LY75: variants seen among roughly 807,000 people sequenced by gnomAD.
LY75 encodes C-type lectin domain family 13 member B.
A neutral mutation model predicts 231.7 loss-of-function variants in LY75; 185 were observed. The ratio of observed to expected loss-of-function variants is 0.80; its 90% CI spans 0.71 to 0.90. The LOEUF (loss-of-function observed/expected upper bound fraction) is 0.90, where lower values mean the gene tolerates loss of function less well. Ranked by LOEUF, LY75 falls within the 40% of genes least tolerant of loss-of-function variation. The pLI is 0.00. For missense variants in LY75, 1,947 were observed against 2,050.2 expected (o/e 0.95, Z 0.97); for synonymous variants, 668 against 689.0 (o/e 0.97, Z 0.48).
intron 33 of LY75, 74 bp downstream of exon 33, chr2:159,808,375 T>C: frequency 6.8e-6 from 11 of 1,608,762 alleles, no homozygotes; most frequent in Non-Finnish European, 8.5e-6. Context: ...TAACATTCTT[T>C]AGCAAGGACG....
chr2:159,882,804 G>A (rs762522382), intron 6 of LY75, among the ~76,000 whole-genome samples: 7 of 152,138 alleles, frequency 4.6e-5, no homozygotes, highest in Non-Finnish European at 8.8e-5. Context: ...GACAGGCAGA[G>A]ATTTAAGGGA....
rs761049709 is a variant in LY75 at position 159,881,118 on chromosome 2, T to G, written c.1369A>C (p.Asn457His). 1 of 1,613,798 alleles carries G rather than the reference T, an allele frequency of 6.2e-7. No individual in the cohort carries two copies. The highest frequency in any genetic ancestry group is 8.5e-7 in the Non-Finnish European group (1 of 1,179,884). The change falls in exon 8 of 35, where the codon AAT becomes CAT. Residue 457 changes from asparagine to histidine, a missense_variant. Physicochemically the swap from Asn to His is moderately conservative, Grantham distance 68 (BLOSUM62 1). Transcript: ENST00000263636. ...TAGGAAACACAGTTGGGCGTCTTATTGTAGGGAACATTTGGCTCATTCTCA... is the reference window on the plus strand; with the variant it reads ...TAGGAAACACAGTTGGGCGTCTTATGGTAGGGAACATTTGGCTCATTCTCA... Reference protein sequence around the residue: ...WDENEPNVPYNKTPNCVSYLG... With the variant: ...WDENEPNVPYHKTPNCVSYLG...
In LY75 at chr2:159,810,613, G is replaced by A. The variant is rs115523735; in HGVS notation, c.4612C>T (p.Arg1538Trp). ...CAGTGACCCTTGTACTGGATCCACC[G>A]TGACCCATTCTCTTTTGCTGCTGGA... ...RCPAAKENGS[R>W]WIQYKGHCYK... The change falls in exon 32 of 35, where the codon CGG becomes TGG. Residue 1538 changes from arginine (R) to tryptophan (W), a missense_variant. Transcript: ENST00000263636. 1.8e-4 allele frequency: 294 copies of A among 1,613,996 alleles called. No homozygotes were observed. The African/African-American group carries it at 2.8e-3, about 16-fold the overall frequency.
intron 31 of LY75, among the ~76,000 whole-genome samples, chr2:159,811,634 T>C (rs970327970): frequency 3.3e-5 from 5 of 152,172 alleles, no homozygotes; most frequent in African/African-American, 1.2e-4. Context: ...TCTCCAAATC[T>C]CCACTTGGCA....
intron 28 of LY75, among the ~76,000 whole-genome samples, chr2:159,830,005 C>T (rs991619671): frequency 3.9e-5 from 6 of 152,196 alleles, no homozygotes; most frequent in African/African-American, 1.4e-4. Context: ...TCAGGTGAAG[C>T]CTCAGAATTT....
rs1286147527 is a variant in LY75, at chr2:159,852,207, C to G, written c.2877G>C (p.Gln959His). ...VQCSEQWIPF[Q>H]NKCFLKIKPV... ...GTAGCAATTCTCTTTTTACCTTATT[C>G]TGAAAAGGAATCCATTGCTCAGAAC... Residue 959 changes from glutamine to histidine, a missense_variant, in exon 21 of 35, where the codon CAG (glutamine) becomes CAC (histidine). Gln to His is a conservative substitution (Grantham distance 24, BLOSUM62 0). Coordinates refer to ENST00000263636, the MANE Select transcript of LY75 (RefSeq NM_002349.4). The G allele has an allele frequency of 2.5e-6, 4 of 1,613,260 alleles. No individual in the cohort carries two copies. The Admixed American group carries it at 6.7e-5, about 27-fold the overall frequency.
At chr2:159,818,485 CAA>C (rs1683189628) in intron 29 of LY75, among the ~76,000 whole-genome samples, 2 of 152,002 alleles carry the variant, frequency 1.3e-5, no homozygotes, top group African/African-American at 4.8e-5. Context: ...TCAAGGCCAG[CAA>C]AAATAAGAAA....
At chr2:159,826,450 T>C (rs1370279589) in intron 28 of LY75, among the ~76,000 whole-genome samples, 2 of 151,934 alleles carry the variant, frequency 1.3e-5, no homozygotes, top group African/African-American at 4.8e-5. Flanking sequence ...CTCAAGGAAA[T>C]AAAAGAGGAC....
chr2:159,898,783 G>T lies in LY75; in HGVS notation c.371C>A (p.Ala124Asp). Reference protein sequence around the residue: ...SLYGAARYRLALKDGHGTAIS... With the variant: ...SLYGAARYRLDLKDGHGTAIS... The stretch of plus-strand genomic sequence containing the variant: ...TGCTGTGCCATGTCCATCCTTCAGA[G>T]CCAGCCGGTACCGGGCAGCTCCGTA... The change falls in exon 2 of 35, where the codon GCT becomes GAT. Residue 124 changes from alanine (A) to aspartate (D), a missense_variant. Physicochemically the swap from Ala to Asp is moderately radical, Grantham distance 126 (BLOSUM62 -2). Transcript: ENST00000263636. 6.2e-7 allele frequency: 1 copy of T among 1,614,184 alleles called. No homozygotes were observed. The highest frequency in any genetic ancestry group is 2.2e-5 in the East Asian group (1 of 44,886).
intron 28 of LY75, 144 bp from the exon 29 acceptor site, chr2:159,820,064 T>C (rs926903245): frequency 4.6e-6 from 3 of 656,558 alleles, no homozygotes; most frequent in African/African-American, 3.8e-5. Flanking sequence ...CCCTTTAAGA[T>C]ATTTTCTGAT....
At chr2:159,890,760 A>G (rs555216029) in intron 3 of LY75, among the ~76,000 whole-genome samples, 3 of 152,288 alleles carry the variant, frequency 2.0e-5, no homozygotes, top group South Asian at 4.1e-4. Context: ...GGGTTTGCCC[A>G]CAGCCTGCAT....
chr2:159,859,155 C>G (rs1218454245), intron 15 of LY75, among the ~76,000 whole-genome samples: 1 of 152,210 alleles, frequency 6.6e-6, no homozygotes. Flanking sequence ...CCCTAGAACA[C>G]AGTTTATTGT....
At position 159,829,891 on chromosome 2, in the gene LY75, T is replaced by A. The variant is rs1405105175; in HGVS notation, c.3958+1779A>T. Among the ~76,000 whole-genome samples the A allele has an allele frequency of 3.3e-5, 5 of 152,236 alleles. No individual in the cohort carries two copies. In the South Asian group the frequency reaches 6.2e-4, roughly 19 times the overall value. On this transcript the variant is annotated intron_variant, in intron 28 of 34. Transcript: ENST00000263636. ...TTTATAATAGATTTTCAGTTGCTTC[T>A]GATAATATAACTACAAAGTATACCA...
chr2:159,864,329 G>T (rs1218398003), intron 14 of LY75, among the ~76,000 whole-genome samples: 2 of 152,174 alleles, frequency 1.3e-5, no homozygotes, highest in African/African-American at 4.8e-5. Flanking sequence ...CAATGTCATG[G>T]AGCTTTCCCC....
chr2:159,858,389 G>A lies in LY75; in HGVS notation c.2356C>T (p.Leu786Phe), dbSNP rs1684604863. Residue 786 changes from leucine (L) to phenylalanine (F), a missense_variant, in exon 16 of 35, where the codon CTT (leucine) becomes TTT (phenylalanine). Physicochemically the swap from Leu to Phe is conservative, Grantham distance 22. Transcript: ENST00000263636. ...YLRPFACDTK[L>F]EWVCQIPKGR... ...TTTGGAATTTGGCACACCCATTCAA[G>A]TTTTGTATCACAAGCAAAAGGCCTC... 1 of 1,613,388 alleles carries A rather than the reference G, an allele frequency of 6.2e-7. No homozygotes were observed. The highest frequency in any genetic ancestry group is 1.3e-5 in the African/African-American group (1 of 74,880).
At chr2:159,866,411 A>G (rs1684859888) in intron 13 of LY75, among the ~76,000 whole-genome samples, 1 of 152,208 alleles carries the variant, frequency 6.6e-6, no homozygotes, top group African/African-American at 2.4e-5. Context: ...ATGCAATGGA[A>G]TATGAATGAG....
At chr2:159,828,355 G>C (rs1301074385) in intron 28 of LY75, among the ~76,000 whole-genome samples, 1 of 151,780 alleles carries the variant, frequency 6.6e-6, no homozygotes, top group African/African-American at 2.4e-5. Context: ...AATCTGAATA[G>C]GGATTTCCCC....
At chr2:159,864,760 A>G (rs1220890732) in intron 14 of LY75, 79 bp downstream of exon 14, 3 of 1,344,574 alleles carry the variant, frequency 2.2e-6, no homozygotes, top group Non-Finnish European at 3.0e-6. Flanking sequence ...TTAGGTGTCA[A>G]TGTATTATTT....
At chr2:159,877,092 T>C (rs901293679) in intron 11 of LY75, among the ~76,000 whole-genome samples, 13 of 150,962 alleles carry the variant, frequency 8.6e-5, no homozygotes, top group African/African-American at 3.2e-4. Context: ...GTGTTCTTAA[T>C]CTGAGATTTA....
Sources: gnomAD v4.1 joint callset for allele counts (sites outside exome capture counted in the v4.1 genomes callset) on GRCh38, gnomAD v4.1.1 for gene constraint, MANE v1.5 for transcripts, NCBI Gene and HGNC (gene_info 2026-07-23, HGNC 2026-07-21) for gene names.